Variants in ANO2 observed in about 807,000 individuals in gnomAD.
The protein encoded by ANO2 is anoctamin-2.
A neutral mutation model predicts 124.2 loss-of-function variants in ANO2; 101 were observed. That is an observed-to-expected ratio of 0.81 (90% confidence interval 0.69 to 0.96). ANO2 has a LOEUF of 0.96. Ranked by LOEUF, ANO2 falls within the 40% of genes least tolerant of loss-of-function variation. ANO2 has a pLI of 0.00. For synonymous variants in ANO2, 486 were observed against 482.5 expected (o/e 1.01, Z -0.09); for missense variants, 1,293 against 1,274.5 (o/e 1.01, Z -0.22).
chr12:5,924,162 A>G (rs1351635470), intron 1 of ANO2, among the ~76,000 whole-genome samples: 2 of 152,240 alleles, frequency 1.3e-5, no homozygotes, highest in East Asian at 1.9e-4. Flanking sequence ...CAACTCTTCC[A>G]GTCTGTTGAA....
At chr12:5,619,145 A>C (rs1440077733) in intron 16 of ANO2, among the ~76,000 whole-genome samples, 1 of 152,158 alleles carries the variant, frequency 6.6e-6, no homozygotes, top group East Asian at 1.9e-4. Flanking sequence ...GAGAGCCTCT[A>C]ATGTGTCCAA....
At chr12:5,823,108 C>G (rs1475539438) in intron 7 of ANO2, among the ~76,000 whole-genome samples, 1 of 152,192 alleles carries the variant, frequency 6.6e-6, no homozygotes, top group Non-Finnish European at 1.5e-5. Flanking sequence ...GGGGACACAG[C>G]CAAACCATAT....
intron 10 of ANO2, among the ~76,000 whole-genome samples, chr12:5,773,105 G>A (rs1362055761): frequency 2.0e-5 from 3 of 152,274 alleles, no homozygotes; most frequent in Non-Finnish European, 1.5e-5. Flanking sequence ...GGCAGTGGGT[G>A]CCACAGCTTC....
intron 14 of ANO2, among the ~76,000 whole-genome samples, chr12:5,691,153 C>A (rs1486120615): frequency 6.6e-6 from 1 of 151,828 alleles, no homozygotes; most frequent in African/African-American, 2.4e-5. Flanking sequence ...CGTGGTGAAA[C>A]CTCGTCTCTA....
At chr12:5,831,489 C>T (rs1591668759) in intron 5 of ANO2, among the ~76,000 whole-genome samples, 1 of 152,162 alleles carries the variant, frequency 6.6e-6, no homozygotes, top group Non-Finnish European at 1.5e-5. Flanking sequence ...CACCAGTCAC[C>T]ATGCAAGGCC....
intron 12 of ANO2, chr12:5,740,044 G>T (rs1591551236): frequency 2.2e-6 from 1 of 449,754 alleles, no homozygotes; most frequent in East Asian, 7.0e-5. Flanking sequence ...ACATCCATCA[G>T]TTTGCCTGCC....
At chr12:5,872,034 C>G (rs1041942757) in intron 3 of ANO2, among the ~76,000 whole-genome samples, 1 of 152,200 alleles carries the variant, frequency 6.6e-6, no homozygotes. Context: ...ATCCTGCAAC[C>G]CACAGAGTCA....
chr12:5,937,821 G>T (rs944764881), intron 1 of ANO2, among the ~76,000 whole-genome samples: 3 of 152,184 alleles, frequency 2.0e-5, no homozygotes, highest in South Asian at 4.1e-4. Flanking sequence ...GATCTTTCTA[G>T]GCTTGGCCTT....
intron 12 of ANO2, among the ~76,000 whole-genome samples, chr12:5,741,773 G>A (rs1040701393): frequency 7.9e-5 from 12 of 152,122 alleles, no homozygotes; most frequent in African/African-American, 2.7e-4. Flanking sequence ...GTATTATTTC[G>A]CTCAATTTAC....
intron 3 of ANO2, among the ~76,000 whole-genome samples, chr12:5,874,231 G>C (rs1362567082): frequency 6.6e-6 from 1 of 152,202 alleles, no homozygotes; most frequent in East Asian, 1.9e-4. Context: ...TTCTCCTAAA[G>C]AGCTAGGCCA....
intron 6 of ANO2, among the ~76,000 whole-genome samples, chr12:5,829,630 G>A (rs1449357289): frequency 2.0e-5 from 3 of 152,160 alleles, no homozygotes; most frequent in African/African-American, 4.8e-5. Context: ...ACTTCCATAC[G>A]TCCCATGTGG....
intron 14 of ANO2, among the ~76,000 whole-genome samples, chr12:5,664,124 G>A (rs2002511): frequency 0.17 from 26,254 of 152,182 alleles, 2,605 homozygotes; most frequent in South Asian, 0.31. Flanking sequence ...ACATATGTGC[G>A]CACGCATGCA....
intron 14 of ANO2, among the ~76,000 whole-genome samples, chr12:5,698,812 T>C (rs991656773): frequency 3.3e-5 from 5 of 152,208 alleles, no homozygotes. Context: ...CAAGCTTCAG[T>C]AGCTGATTCG....
chr12:5,757,114 C>T (rs1025415579), intron 10 of ANO2, among the ~76,000 whole-genome samples: 1 of 152,216 alleles, frequency 6.6e-6, no homozygotes, highest in African/African-American at 2.4e-5. Context: ...GTTCTGCAAC[C>T]TCTTACCTGA....
chr12:5,592,943 T>C (rs116338223), intron 20 of ANO2, among the ~76,000 whole-genome samples: 1,740 of 152,292 alleles, frequency 0.011, 31 homozygotes, highest in African/African-American at 0.039. Flanking sequence ...CTTTAACATC[T>C]GGTCTCCGAG....
chr12:5,573,050 C>T (rs1426007923), intron 23 of ANO2, among the ~76,000 whole-genome samples: 1 of 152,150 alleles, frequency 6.6e-6, no homozygotes, highest in African/African-American at 2.4e-5. Context: ...GGCTGAGTAG[C>T]ACCCATTTGC....
At chr12:5,591,198 C>A (rs1241254342) in intron 20 of ANO2, among the ~76,000 whole-genome samples, 1 of 152,118 alleles carries the variant, frequency 6.6e-6, no homozygotes, top group African/African-American at 2.4e-5. Context: ...CAAAAACTAC[C>A]AATTTGTTAC....
Position 5,716,274 on chromosome 12 carries a change from G to A in ANO2, c.1545+16246C>T, listed in dbSNP as rs375773889. Among the ~76,000 whole-genome samples, 77 of 152,280 alleles carry A rather than the reference G, an allele frequency of 5.1e-4. 1 individual carries two copies. In the South Asian group the frequency reaches 0.016, roughly 32 times the overall value. On this transcript the variant is annotated intron_variant, in intron 14 of 24. Transcript: ENST00000682330. ...GGAGGATGTGCTGAGCCAAAAGGTG[G>A]CCAGATCCCAGAGTTATTGTGTTAA...
intron 1 of ANO2, among the ~76,000 whole-genome samples, chr12:5,943,941 G>A (rs7978326): frequency 6.6e-6 from 1 of 152,172 alleles, no homozygotes; most frequent in African/African-American, 2.4e-5. Flanking sequence ...CTGGAAACTG[G>A]ACTAGAACTT....
Sources: gnomAD v4.1 joint callset for allele counts (sites outside exome capture counted in the v4.1 genomes callset) on GRCh38, gnomAD v4.1.1 for gene constraint, MANE v1.5 for transcripts, NCBI Gene and HGNC (gene_info 2026-07-23, HGNC 2026-07-21) for gene names.